KCNAB1: variants seen among roughly 807,000 people sequenced by gnomAD.
The protein encoded by KCNAB1 is voltage-gated potassium channel subunit beta-1.
Under a neutral mutation model 64.6 loss-of-function variants are expected in KCNAB1, and 35 were observed. That is an observed-to-expected ratio of 0.54 (90% CI 0.41 to 0.72). KCNAB1 has a LOEUF of 0.72. Ranked by LOEUF, KCNAB1 falls within the 30% of genes least tolerant of loss-of-function variation. KCNAB1 has a pLI of 0.00. For missense variants in KCNAB1, 401 were observed against 512.9 expected, an observed-to-expected ratio of 0.78 and a Z score of 2.11; for synonymous variants, 177 against 183.8, an observed-to-expected ratio of 0.96 and a Z score of 0.30.
At chr3:156,476,520 T>TAC (rs1327626247) in intron 8 of KCNAB1, among the ~76,000 whole-genome samples, 38 of 111,366 alleles carry the variant, frequency 3.4e-4, no homozygotes, top group African/African-American at 1.2e-3. Context: ...TATATATATA[T>TAC]ATACACACAC....
In KCNAB1 at chr3:156,300,129, G is replaced by A. The variant is rs192636946; in HGVS notation, c.276-121487G>A. Among the ~76,000 whole-genome samples, 18 of 152,298 alleles carry A rather than the reference G, an allele frequency of 1.2e-4. No individual in the cohort carries two copies. In the East Asian group the frequency reaches 2.9e-3, roughly 24 times the overall value. On this transcript the variant is annotated intron_variant, in intron 1 of 13. Transcript: ENST00000490337. ...CTTCCTTCTGATACCTGGGGAGGGA[G>A]ATTCTCTCCCATTCTCATCCCAGCA...
In KCNAB1 at chr3:156,388,820, CA is replaced by C. The variant is rs1397798104; in HGVS notation, c.276-32794del. 5.3e-5 allele frequency among the ~76,000 whole-genome samples: 8 copies of C among 152,314 alleles called. No individual in the cohort carries two copies. The East Asian group carries it at 1.2e-3, about 22-fold the overall frequency. On this transcript the variant is annotated intron_variant, in intron 1 of 13. Coordinates refer to ENST00000490337, the MANE Select transcript of KCNAB1 (RefSeq NM_172160.3). ...CACAGCAAATCTCTTGAGAAGCCCA[CA>C]ACAGTTGAGGGCTTAGTATCCAAGC... is the stretch of plus-strand genomic sequence containing the variant.
chr3:156,459,610 G>A (rs367819364), intron 4 of KCNAB1, among the ~76,000 whole-genome samples: 6 of 151,976 alleles, frequency 3.9e-5, no homozygotes, highest in African/African-American at 4.8e-5. Context: ...TCCTGCCAGC[G>A]TGTCAGGATT....
intron 11 of KCNAB1, among the ~76,000 whole-genome samples, chr3:156,516,972 A>G (rs1193759026): frequency 6.6e-6 from 1 of 152,240 alleles, no homozygotes; most frequent in East Asian, 1.9e-4. Context: ...ACCTCCATTC[A>G]GGACATCTTG....
At chr3:156,445,059 A>G (rs770967469) in intron 2 of KCNAB1, among the ~76,000 whole-genome samples, 2 of 152,206 alleles carry the variant, frequency 1.3e-5, no homozygotes, top group Non-Finnish European at 2.9e-5. Flanking sequence ...CCACTTTGGG[A>G]GGCTGCGGTG....
At chr3:156,399,569 T>C (rs1411913883) in intron 1 of KCNAB1, among the ~76,000 whole-genome samples, 1 of 152,124 alleles carries the variant, frequency 6.6e-6, no homozygotes, top group Non-Finnish European at 1.5e-5. Context: ...CAGAGGAAGG[T>C]CTGTGTGTCC....
In KCNAB1 at chr3:156,474,801, C is replaced by G; in HGVS notation, c.639C>G (p.Asp213Glu). 1 of 1,612,616 alleles carries G rather than the reference C, an allele frequency of 6.2e-7. No individual in the cohort carries two copies. Among genetic ancestry groups the G allele is most frequent in the African/African-American group, 1.3e-5 (1 of 74,928 alleles). The change falls in exon 8 of 14, where the codon GAC becomes GAG. Residue 213 changes from aspartate to glutamate, a missense_variant. Asp to Glu is a conservative substitution (Grantham distance 45, BLOSUM62 2). Coordinates refer to ENST00000490337, the MANE Select transcript of KCNAB1 (RefSeq NM_172160.3). ...YVDVVFANRP[D>E]SNTPMEEIVR... ...ATGTGGTCTTTGCAAATCGACCGGA[C>G]AGTAACACTCCCATGGAAGGTAAGT...
chr3:156,528,875 A>G (rs1718503912), intron 12 of KCNAB1, among the ~76,000 whole-genome samples: 1 of 152,236 alleles, frequency 6.6e-6, no homozygotes, highest in Non-Finnish European at 1.5e-5. Flanking sequence ...ATCTTACAGG[A>G]CAATGAGTTA....
chr3:156,196,896 G>C (rs1713986374), intron 1 of KCNAB1, among the ~76,000 whole-genome samples: 1 of 152,190 alleles, frequency 6.6e-6, no homozygotes, highest in Non-Finnish European at 1.5e-5. Context: ...CAAACGGAAT[G>C]CTTCCAGTTT....
intron 1 of KCNAB1, among the ~76,000 whole-genome samples, chr3:156,177,701 T>C (rs1039429430): frequency 6.6e-6 from 1 of 151,118 alleles, no homozygotes; most frequent in Non-Finnish European, 1.5e-5. Context: ...TGAGAATTTG[T>C]CAAAAGCCGT....
At chr3:156,209,855 A>G (rs749621079) in intron 1 of KCNAB1, among the ~76,000 whole-genome samples, 2 of 152,350 alleles carry the variant, frequency 1.3e-5, no homozygotes, top group East Asian at 3.9e-4. Context: ...CCAGAATGGC[A>G]GAAAGATAAG....
At chr3:156,204,673 A>G (rs1714545172) in intron 1 of KCNAB1, among the ~76,000 whole-genome samples, 1 of 152,166 alleles carries the variant, frequency 6.6e-6, no homozygotes, top group Non-Finnish European at 1.5e-5. Flanking sequence ...TCTACTAAAA[A>G]TAACAAAACA....
chr3:156,280,329 C>T (rs912285800), intron 1 of KCNAB1, among the ~76,000 whole-genome samples: 1 of 149,594 alleles, frequency 6.7e-6, no homozygotes, highest in African/African-American at 2.5e-5. Flanking sequence ...TGATCTATAT[C>T]TCTGTTTTGG....
At chr3:156,227,245 T>C (rs1346895984) in intron 1 of KCNAB1, among the ~76,000 whole-genome samples, 1 of 152,234 alleles carries the variant, frequency 6.6e-6, no homozygotes, top group Non-Finnish European at 1.5e-5. Context: ...TTTATACTTT[T>C]ACAACGTGAA....
intron 13 of KCNAB1, among the ~76,000 whole-genome samples, chr3:156,532,825 G>A (rs181104776): frequency 4.9e-4 from 75 of 152,198 alleles, no homozygotes; most frequent in Middle Eastern, 3.4e-3. Flanking sequence ...AGTGATGAGG[G>A]GACAGAACAG....
chr3:156,369,461 G>A (rs990246392), intron 1 of KCNAB1, among the ~76,000 whole-genome samples: 5 of 152,190 alleles, frequency 3.3e-5, no homozygotes, highest in African/African-American at 1.2e-4. Flanking sequence ...TATAGAAATA[G>A]CTTGACTGGG....
intron 1 of KCNAB1, among the ~76,000 whole-genome samples, chr3:156,170,817 A>G (rs1022153504): frequency 3.0e-4 from 45 of 152,154 alleles, no homozygotes; most frequent in Non-Finnish European, 4.9e-4. Flanking sequence ...GTTTGTCATG[A>G]TATGTTGGAC....
rs6441072 is a variant in KCNAB1, at chr3:156,459,809, A to G, written c.438-18A>G. ...CCAGGACACTGCATTCTAAGACATT[A>G]TCTGTTTCCCCTTCCAGGGCTGAAG... On this transcript the variant is annotated intron_variant, in intron 4 of 13. Transcript: ENST00000490337. The G allele has an allele frequency of 0.027, 43,273 of 1,593,500 alleles. 2,553 individuals are homozygous for G. Among genetic ancestry groups the G allele is most frequent in the African/African-American group, 0.24 (18,073 of 73,956 alleles).
At chr3:156,278,002 C>G (rs1359276286) in intron 1 of KCNAB1, among the ~76,000 whole-genome samples, 1 of 152,092 alleles carries the variant, frequency 6.6e-6, no homozygotes, top group African/African-American at 2.4e-5. Context: ...AAGCTGAGGG[C>G]GTCTCCTACA....
Sources: allele counts gnomAD v4.1 joint callset (sites outside exome capture counted in the v4.1 genomes callset), GRCh38; gene constraint gnomAD v4.1.1; transcripts MANE v1.5; gene names NCBI Gene and HGNC (gene_info 2026-07-23, HGNC 2026-07-21).